OPCML: variants seen among roughly 807,000 people sequenced by gnomAD.
OPCML encodes opioid-binding protein/cell adhesion molecule.
In OPCML, 13 loss-of-function variants were observed where a neutral mutation model predicts 37.8. The observed-to-expected ratio is 0.34, with a 90% CI of 0.22 to 0.55. The LOEUF (loss-of-function observed/expected upper bound fraction) is 0.55. Ranked by LOEUF, OPCML falls within the 20% of genes least tolerant of loss-of-function variation. OPCML has a pLI of 0.91. For synonymous variants in OPCML, 176 were observed against 168.8 expected (o/e 1.04, Z -0.33); for missense variants, 341 against 435.6 (o/e 0.78, Z 1.93).
chr11:133,256,191 G>T (rs1204218850), intron 1 of OPCML, among the ~76,000 whole-genome samples: 1 of 152,210 alleles, frequency 6.6e-6, no homozygotes, highest in Non-Finnish European at 1.5e-5. Flanking sequence ...AGTTGCCATT[G>T]CAGTGATGAA....
At chr11:132,972,108 C>A (rs1946355746) in intron 1 of OPCML, among the ~76,000 whole-genome samples, 1 of 152,144 alleles carries the variant, frequency 6.6e-6, no homozygotes, top group Admixed American at 6.5e-5. Flanking sequence ...CATAGAGTGG[C>A]TTCCTGGTCC....
At chr11:132,675,175 GTGTGTGTATA>G (rs1188959745) in intron 2 of OPCML, among the ~76,000 whole-genome samples, 4 of 104,590 alleles carry the variant, frequency 3.8e-5, no homozygotes, top group African/African-American at 1.4e-4. Flanking sequence ...GTGTGTGTGT[GTGTGTGTATA>G]TATATATATA....
At chr11:132,556,120 T>A (rs563573013) in intron 3 of OPCML, among the ~76,000 whole-genome samples, 339 of 151,830 alleles carry the variant, frequency 2.2e-3, no homozygotes, top group African/African-American at 7.6e-3. Flanking sequence ...GAAAAAAAAA[T>A]TTTGTAGAGA....
intron 3 of OPCML, among the ~76,000 whole-genome samples, chr11:132,630,429 G>A (rs182469759): frequency 3.3e-5 from 5 of 152,244 alleles, no homozygotes; most frequent in East Asian, 1.9e-4. Context: ...GTGGTGGCAC[G>A]TGCCTGTAAC....
At chr11:132,971,689 G>C (rs902678366) in intron 1 of OPCML, among the ~76,000 whole-genome samples, 1 of 152,150 alleles carries the variant, frequency 6.6e-6, no homozygotes, top group African/African-American at 2.4e-5. Flanking sequence ...CAAAATTCCA[G>C]GGAGGCTCTG....
At chr11:132,487,500 G>A (rs2096203557) in intron 4 of OPCML, among the ~76,000 whole-genome samples, 1 of 152,208 alleles carries the variant, frequency 6.6e-6, no homozygotes, top group African/African-American at 2.4e-5. Context: ...GTAACGGTGA[G>A]CAGCAAATGT....
intron 2 of OPCML, among the ~76,000 whole-genome samples, chr11:132,848,015 T>C (rs1483257914): frequency 4.6e-5 from 7 of 152,158 alleles, no homozygotes; most frequent in Non-Finnish European, 1.0e-4. Flanking sequence ...GATTGCCCTG[T>C]GGACATGGAC....
intron 2 of OPCML, among the ~76,000 whole-genome samples, chr11:132,923,075 G>GAAAAAAAA (rs912710922): frequency 3.2e-5 from 3 of 94,494 alleles, no homozygotes; most frequent in East Asian, 5.6e-4. Flanking sequence ...CTCCGTCTCA[G>GAAAAAAAA]AAAAAAATAA....
At chr11:132,538,415 G>A (rs749279399) in intron 3 of OPCML, among the ~76,000 whole-genome samples, 23 of 152,148 alleles carry the variant, frequency 1.5e-4, no homozygotes, top group Non-Finnish European at 3.2e-4. Flanking sequence ...AGAGATAAAT[G>A]AGAAGTGACT....
In OPCML at chr11:132,617,997, G is replaced by A. The variant is rs183770791; in HGVS notation, c.379+39090C>T. On this transcript the variant is annotated intron_variant, in intron 3 of 7. Coordinates refer to ENST00000524381, the MANE Select transcript of OPCML (RefSeq NM_001012393.5). ...AAGATAACTCCAGCTTCTTACAGCC[G>A]CAGTGTTACAGTGGCTTAATACAAC... Among the ~76,000 whole-genome samples, 39 of 152,270 alleles carry A rather than the reference G, an allele frequency of 2.6e-4. No homozygotes were observed. In the East Asian group the frequency reaches 6.0e-3, roughly 23 times the overall value.
intron 4 of OPCML, among the ~76,000 whole-genome samples, chr11:132,513,819 T>C (rs1168817433): frequency 2.6e-5 from 4 of 152,230 alleles, no homozygotes; most frequent in African/African-American, 9.6e-5. Context: ...ATATCACTAA[T>C]GCACCCACTT....
At chr11:132,723,270 T>C (rs909032935) in intron 2 of OPCML, among the ~76,000 whole-genome samples, 4 of 152,238 alleles carry the variant, frequency 2.6e-5, no homozygotes, top group African/African-American at 9.6e-5. Context: ...CTCAATAGTA[T>C]TTTTAAGCAT....
At chr11:132,901,277 A>G (rs770425311) in intron 2 of OPCML, among the ~76,000 whole-genome samples, 1 of 152,138 alleles carries the variant, frequency 6.6e-6, no homozygotes, top group Non-Finnish European at 1.5e-5. Flanking sequence ...ATAGTGCCTC[A>G]CATCCAGGAC....
At chr11:132,583,011 A>C (rs2096465390) in intron 3 of OPCML, among the ~76,000 whole-genome samples, 1 of 151,888 alleles carries the variant, frequency 6.6e-6, no homozygotes, top group Non-Finnish European at 1.5e-5. Context: ...GTGATGCAAA[A>C]TCAATAGGAA....
rs180898429 is a variant in OPCML at position 132,764,329 on chromosome 11, G to T, written c.147-107010C>A. On this transcript the variant is annotated intron_variant, in intron 2 of 7. Coordinates refer to ENST00000524381, the MANE Select transcript of OPCML (RefSeq NM_001012393.5). ...CTGCTCACCGCCCAACCCAACAAGT[G>T]CATGCACAGCCTGTGAGCCTTTCCT... Among the ~76,000 whole-genome samples, 215 of 152,258 alleles carry T rather than the reference G, an allele frequency of 1.4e-3. 1 individual carries two copies. The highest frequency in any genetic ancestry group is 1.1e-3 in the Non-Finnish European group (72 of 68,020).
chr11:133,288,882 C>T (rs1942378338), intron 1 of OPCML, among the ~76,000 whole-genome samples: 1 of 152,100 alleles, frequency 6.6e-6, no homozygotes, highest in African/African-American at 2.4e-5. Flanking sequence ...TTTGCCTGAC[C>T]TCGTCCCTTA....
At chr11:133,316,253 A>G (rs1943202081) in intron 1 of OPCML, among the ~76,000 whole-genome samples, 1 of 152,154 alleles carries the variant, frequency 6.6e-6, no homozygotes, top group Admixed American at 6.5e-5. Context: ...GTAAGAGGTA[A>G]AGTCGGAGAA....
chr11:132,525,373 T>C (rs1249744928), intron 4 of OPCML, among the ~76,000 whole-genome samples: 4 of 152,252 alleles, frequency 2.6e-5, no homozygotes, highest in Non-Finnish European at 4.4e-5. Flanking sequence ...AAATGAAGGC[T>C]GATTTACTTG....
At chr11:133,260,552 C>A (rs1365604291) in intron 1 of OPCML, among the ~76,000 whole-genome samples, 1 of 151,990 alleles carries the variant, frequency 6.6e-6, no homozygotes, top group African/African-American at 2.4e-5. Flanking sequence ...GAGTGGAGAT[C>A]TAAGATCTAA....
Sources: gnomAD v4.1 joint callset for allele counts (sites outside exome capture counted in the v4.1 genomes callset) on GRCh38, gnomAD v4.1.1 for gene constraint, MANE v1.5 for transcripts, NCBI Gene and HGNC (gene_info 2026-07-23, HGNC 2026-07-21) for gene names.